Variants in ACOT7 observed in about 807,000 individuals in gnomAD.
The protein encoded by ACOT7 is acyl-CoA thioesterase 7, also known as cytosolic acyl coenzyme A thioester hydrolase.
Under a neutral mutation model 40.2 loss-of-function variants are expected in ACOT7, and 12 were observed. The observed-to-expected ratio is 0.30, with a 90% CI of 0.19 to 0.48. The LOEUF is 0.48. ACOT7 is among the 20% of genes least tolerant of loss of function. The pLI is 0.99. For synonymous variants in ACOT7, 228 were observed against 219.5 expected (o/e 1.04, Z -0.34); for missense variants, 395 against 530.8 (o/e 0.74, Z 2.51).
intron 7 of ACOT7, 59 bp from the exon 8 acceptor site, chr1:6,281,345 C>T: frequency 6.6e-7 from 1 of 1,516,850 alleles, no homozygotes; most frequent in East Asian, 2.3e-5. Context: ...GGGCGGGGGA[C>T]ACTGGCGTTT....
At chr1:6,349,377 T>A (rs1641522375) in intron 2 of ACOT7, among the ~76,000 whole-genome samples, 2 of 152,164 alleles carry the variant, frequency 1.3e-5, no homozygotes, top group South Asian at 4.1e-4. Context: ...CTCTCCTACA[T>A]CTGCTGTCTG....
At chr1:6,268,259 A>T (rs1259328219) in intron 8 of ACOT7, among the ~76,000 whole-genome samples, 1 of 152,220 alleles carries the variant, frequency 6.6e-6, no homozygotes, top group Non-Finnish European at 1.5e-5. Flanking sequence ...AGCTGTTAAA[A>T]GAGAAAACCT....
chr1:6,317,235 C>T (rs917440970), intron 6 of ACOT7, among the ~76,000 whole-genome samples: 5 of 152,182 alleles, frequency 3.3e-5, no homozygotes, highest in African/African-American at 9.7e-5. Context: ...ATCTCCTTGA[C>T]GTTTTTCTTC....
intron 7 of ACOT7, among the ~76,000 whole-genome samples, chr1:6,290,653 C>T (rs72854327): frequency 0.065 from 9,829 of 152,300 alleles, 931 homozygotes; most frequent in African/African-American, 0.21. Context: ...TCGGTCTATG[C>T]GACTATTTCT....
At chr1:6,327,995 A>G (rs1640853495) in intron 4 of ACOT7, among the ~76,000 whole-genome samples, 3 of 151,762 alleles carry the variant, frequency 2.0e-5, no homozygotes, top group African/African-American at 2.4e-5. Context: ...GCTCATCTTG[A>G]TCTCTTGACC....
chr1:6,309,421 C>CCTGA (rs1350444102), intron 6 of ACOT7, among the ~76,000 whole-genome samples: 1 of 152,130 alleles, frequency 6.6e-6, no homozygotes, highest in Non-Finnish European at 1.5e-5. Flanking sequence ...CTGCTCCTGC[C>CCTGA]CTGAGTCTTT....
chr1:6,312,484 G>A (rs1640366854), intron 6 of ACOT7, among the ~76,000 whole-genome samples: 2 of 142,184 alleles, frequency 1.4e-5, no homozygotes, highest in South Asian at 2.4e-4. Flanking sequence ...TTTATTTCGA[G>A]GCAGAGTCTC....
At chr1:6,293,708 A>C (rs1023585131) in intron 7 of ACOT7, among the ~76,000 whole-genome samples, 9 of 152,244 alleles carry the variant, frequency 5.9e-5, no homozygotes, top group African/African-American at 2.2e-4. Context: ...TGTGGAAAAA[A>C]GAAAAGGATT....
At chr1:6,295,196 AT>A in intron 6 of ACOT7, 1 of 481,146 alleles carries the variant, frequency 2.1e-6, no homozygotes, top group Non-Finnish European at 3.7e-6. Context: ...CATGGCTGAT[AT>A]GCCAAGCCAC....
chr1:6,288,142 C>T lies in ACOT7; in HGVS notation c.829+6722G>A, dbSNP rs1012236971. On this transcript the variant is annotated intron_variant, in intron 7 of 8. Transcript: ENST00000361521. This position sits in a 1 kb window ranked among gnomAD's most constrained non-coding sequence, Gnocchi z 4.3. ...GGGGCTCCACTGCTTGCCTGGGGGG[C>T]GGAGGCTCTCCCACTCTGTGGGTGC... Among the ~76,000 whole-genome samples the T allele has an allele frequency of 6.6e-5, 10 of 152,156 alleles. No homozygotes were observed. The highest frequency in any genetic ancestry group is 5.9e-5 in the Non-Finnish European group (4 of 67,994).
At position 6,274,193 on chromosome 1, in the gene ACOT7, G is replaced by C. The variant is rs1352286704; in HGVS notation, c.1014+6909C>G. On this transcript the variant is annotated intron_variant, in intron 8 of 8. Transcript: ENST00000361521. This position sits in a 1 kb window ranked among gnomAD's most constrained non-coding sequence, Gnocchi z 5.9. ...TTCCTCCTAAGTGCAAAGGGGCGAG[G>C]GACCTTCCAATTACAGCATCACTGA... 6.6e-6 allele frequency among the ~76,000 whole-genome samples: 1 copy of C among 152,160 alleles called. No individual in the cohort carries two copies. Among genetic ancestry groups the C allele is most frequent in the Admixed American group, 6.5e-5 (1 of 15,292 alleles).
intron 5 of ACOT7, among the ~76,000 whole-genome samples, chr1:6,324,166 C>G (rs2148427542): frequency 6.6e-6 from 1 of 152,090 alleles, no homozygotes; most frequent in African/African-American, 2.4e-5. Context: ...CCCTGGGCTC[C>G]CGAGGGTACC....
At chr1:6,281,429 A>G (rs1639357395) in intron 7 of ACOT7, 143 bp from the exon 8 acceptor site, 3 of 689,032 alleles carry the variant, frequency 4.4e-6, no homozygotes, top group South Asian at 3.5e-5. Flanking sequence ...AAATAACAGA[A>G]TATTAGAATG....
intron 4 of ACOT7, among the ~76,000 whole-genome samples, chr1:6,328,499 T>A (rs890705708): frequency 2.0e-5 from 3 of 151,638 alleles, no homozygotes; most frequent in African/African-American, 4.8e-5. Flanking sequence ...CTGGCCAACA[T>A]GGTGAAACCC....
At chr1:6,295,315 C>T (rs1366369036) in intron 6 of ACOT7, 1 of 194,906 alleles carries the variant, frequency 5.1e-6, no homozygotes, top group South Asian at 1.1e-4. Context: ...CAGAACAGCA[C>T]GTGCTGGCGA....
chr1:6,330,066 GGT>G lies in ACOT7; in HGVS notation c.511-2655_511-2654del, dbSNP rs145131866. 4.6e-5 allele frequency among the ~76,000 whole-genome samples: 7 copies of G among 150,994 alleles called. No individual in the cohort carries two copies. Among genetic ancestry groups the G allele is most frequent in the South Asian group, 2.1e-4 (1 of 4,774 alleles). On this transcript the variant is annotated intron_variant, in intron 4 of 8. Transcript: ENST00000361521. The surrounding 1 kb of genome is among the most constrained non-coding windows in gnomAD (Gnocchi z 4.6). Reference sequence around the variant, plus strand: ...ATCCAGGAAACCAGTGTGTGTGTGTGGTGTGTGTGTGTGTGTGCGTGTTCAAG... The same window carrying G: ...ATCCAGGAAACCAGTGTGTGTGTGTGGTGTGTGTGTGTGTGCGTGTTCAAG...
chr1:6,270,875 C>T (rs1297289144), intron 8 of ACOT7, among the ~76,000 whole-genome samples: 1 of 152,164 alleles, frequency 6.6e-6, no homozygotes, highest in African/African-American at 2.4e-5. Flanking sequence ...GGCCAGATGG[C>T]CCGGGGTCAC....
chr1:6,385,792 G>A (rs1642428566), intron 1 of ACOT7: 2 of 1,430,372 alleles, frequency 1.4e-6, no homozygotes, highest in African/African-American at 1.4e-5. Context: ...AAAGCACCAG[G>A]CTCCTGCTCC....
rs75431891 is a variant in ACOT7 at position 6,338,210 on chromosome 1, C to T, written c.418+1223G>A. 0.068 allele frequency among the ~76,000 whole-genome samples: 10,303 copies of T among 152,100 alleles called. 901 individuals are homozygous for T. Among genetic ancestry groups the T allele is most frequent in the East Asian group, 0.45 (2,295 of 5,134 alleles). ...AGGAAGGTCCTAGGAAGCAGGAGAG[C>T]GCGGCAGGCCATCCCTCCTCTCCAG... On this transcript the variant is annotated intron_variant, in intron 3 of 8. Transcript: ENST00000361521. The surrounding 1 kb of genome is among the most constrained non-coding windows in gnomAD (Gnocchi z 4.4).
Sources: allele counts gnomAD v4.1 joint callset (sites outside exome capture counted in the v4.1 genomes callset), GRCh38; gene constraint gnomAD v4.1.1; non-coding constraint Gnocchi (gnomAD v3.1); transcripts MANE v1.5; gene names NCBI Gene and HGNC (gene_info 2026-07-23, HGNC 2026-07-21).